Variants in GYG1 observed in about 807,000 individuals in gnomAD.
The protein encoded by GYG1 is glycogenin 1, also known as glycogenin-1.
Under a neutral mutation model 41.9 loss-of-function variants are expected in GYG1, and 44 were observed. The ratio of observed to expected loss-of-function variants is 1.05; its 90% CI spans 0.83 to 1.35. The LOEUF is 1.35. Among genes scored for constraint, GYG1 ranks in the 40% most tolerant of loss-of-function variants. GYG1 has a pLI of 0.00. For synonymous variants in GYG1, 141 were observed against 158.1 expected (o/e 0.89, Z 0.81); for missense variants, 429 against 418.9 (o/e 1.02, Z -0.21).
intron 5 of GYG1, 54 bp downstream of exon 5, chr3:149,009,456 G>T: frequency 6.3e-7 from 1 of 1,580,200 alleles, no homozygotes; most frequent in Non-Finnish European, 8.7e-7. Context: ...GAGAATTGGG[G>T]TGTACAATTT....
At chr3:148,996,719 T>C in intron 3 of GYG1, 23 bp from the exon 4 acceptor site, 1 of 1,607,354 alleles carries the variant, frequency 6.2e-7, no homozygotes, top group South Asian at 1.1e-5. Context: ...ATTTCTGTAA[T>C]GCTCTTTCTC....
At chr3:148,998,909 A>G (rs897754916) in intron 4 of GYG1, among the ~76,000 whole-genome samples, 4 of 152,184 alleles carry the variant, frequency 2.6e-5, no homozygotes, top group African/African-American at 9.7e-5. Context: ...CCTGCCAGAA[A>G]TTCGGTGTAA....
chr3:149,018,849 G>A (rs558853499), intron 5 of GYG1, among the ~76,000 whole-genome samples: 3 of 152,028 alleles, frequency 2.0e-5, no homozygotes, highest in South Asian at 4.2e-4. Context: ...CAGGTGGATC[G>A]CTTGAATAGC....
intron 2 of GYG1, among the ~76,000 whole-genome samples, chr3:148,995,461 T>G (rs1712731873): frequency 6.6e-6 from 1 of 152,144 alleles, no homozygotes; most frequent in Non-Finnish European, 1.5e-5. Flanking sequence ...ACTAATACCT[T>G]TGTTCCTAAA....
intron 4 of GYG1, among the ~76,000 whole-genome samples, chr3:149,006,903 A>G (rs1035629788): frequency 4.6e-5 from 7 of 152,252 alleles, no homozygotes; most frequent in African/African-American, 1.2e-4. Context: ...CTCAGAATAC[A>G]TTAATTTGCC....
intron 6 of GYG1, 36 bp downstream of exon 6, chr3:149,024,308 C>A: frequency 8.0e-7 from 1 of 1,248,708 alleles, no homozygotes; most frequent in Non-Finnish European, 1.2e-6. Context: ...TCATTTAATG[C>A]TGCTTTTTAA....
intron 5 of GYG1, among the ~76,000 whole-genome samples, chr3:149,016,926 G>A (rs1271124878): frequency 6.6e-6 from 1 of 152,220 alleles, no homozygotes; most frequent in Non-Finnish European, 1.5e-5. Context: ...AGCCACAGAA[G>A]TGGGCAAGAG....
At position 149,031,756 on chromosome 3, in the gene GYG1, A is replaced by G. The variant is rs561441164; in HGVS notation, c.*4823A>G. On this transcript the variant is annotated 3_prime_UTR_variant, in exon 8 of 8. Coordinates refer to ENST00000345003, the MANE Select transcript of GYG1 (RefSeq NM_004130.4). ...TGCAAATATGGTTTTTGAAAGCCCAATAAAATTAATTCTTGTATAGTCTGT... is the reference window on the plus strand; with the variant it reads ...TGCAAATATGGTTTTTGAAAGCCCAGTAAAATTAATTCTTGTATAGTCTGT... 3.3e-5 allele frequency: 5 copies of G among 152,310 alleles called. No individual in the cohort carries two copies. The East Asian group carries it at 7.7e-4, about 24-fold the overall frequency. The allele number at this position is 152,310 out of a possible 1,614,324, so 9.4% of individuals were successfully genotyped here.
chr3:149,025,180 C>A (rs1714586174), intron 6 of GYG1, among the ~76,000 whole-genome samples: 1 of 152,180 alleles, frequency 6.6e-6, no homozygotes. Flanking sequence ...CTTTTTGGCA[C>A]TAGACACTGG....
At chr3:149,017,905 G>A (rs376256970) in intron 5 of GYG1, among the ~76,000 whole-genome samples, 1 of 151,732 alleles carries the variant, frequency 6.6e-6, no homozygotes, top group Non-Finnish European at 1.5e-5. Context: ...GAGCCACCAC[G>A]CCCAGCCTCT....
chr3:148,991,564 C>A lies in GYG1; in HGVS notation c.-77C>A, dbSNP rs550496178. The A allele has an allele frequency of 2.0e-6, 3 of 1,528,638 alleles. No homozygotes were observed. Among genetic ancestry groups the A allele is most frequent in the East Asian group, 2.5e-5 (1 of 40,502 alleles). The allele number at this position is 1,528,638 out of a possible 1,614,324, so 94.7% of individuals were successfully genotyped here. A position where few individuals can be genotyped will look rare whatever the true frequency, so the allele number is the denominator to read the frequency against. ...TTCCCCGCCGTGCCTCCTCGCTGGC[C>A]GCGCTCCCTCCCGGTGCCGGCTTCT... On this transcript the variant is annotated 5_prime_UTR_variant, in exon 1 of 8. Transcript: ENST00000345003.
At chr3:149,017,590 T>TG in intron 5 of GYG1, among the ~76,000 whole-genome samples, 1 of 90,310 alleles carries the variant, frequency 1.1e-5, no homozygotes, top group African/African-American at 6.9e-5. Flanking sequence ...AGGTTTTTTT[T>TG]TTTTTTTTTT....
In GYG1 at chr3:148,995,561, T is replaced by C. The variant is rs547979838; in HGVS notation, c.144-741T>C. On this transcript the variant is annotated intron_variant, in intron 2 of 7. Coordinates refer to ENST00000345003, the MANE Select transcript of GYG1 (RefSeq NM_004130.4). The stretch of plus-strand genomic sequence containing the variant: ...TAGGATATGTCTAAGAAACCAGATC[T>C]AGTCTTGCATTTCCTGTAACCACCA... Among the ~76,000 whole-genome samples the C allele has an allele frequency of 4.6e-5, 7 of 152,318 alleles. No homozygotes were observed. The South Asian group carries it at 6.2e-4, about 14-fold the overall frequency.
chr3:149,024,536 AG>A (rs1310371918), intron 6 of GYG1, among the ~76,000 whole-genome samples: 18 of 152,248 alleles, frequency 1.2e-4, no homozygotes, highest in Non-Finnish European at 2.4e-4. Context: ...TAGAATTCTT[AG>A]CCCATTCTCC....
Position 148,996,913 on chromosome 3 carries a change from T to G in GYG1, c.481+9T>G. The G allele has an allele frequency of 1.2e-6, 2 of 1,603,034 alleles. No individual in the cohort carries two copies. The highest frequency in any genetic ancestry group is 8.5e-7 in the Non-Finnish European group (1 of 1,169,944). On this transcript the variant is annotated intron_variant, in intron 4 of 7. Coordinates refer to ENST00000345003, the MANE Select transcript of GYG1 (RefSeq NM_004130.4). ...GCAAGGTAGTTTTGATGGTATGTAT[T>G]TGCTATCTTCATGTCTGATAAGCTG...
intron 6 of GYG1, 39 bp downstream of exon 6, chr3:149,024,311 C>T: frequency 8.2e-7 from 1 of 1,215,352 alleles, no homozygotes; most frequent in Non-Finnish European, 1.2e-6. Context: ...TTTAATGCTG[C>T]TTTTTAAAAA....
At chr3:149,001,120 A>G (rs1370319253) in intron 4 of GYG1, 4 of 152,190 alleles carry the variant, frequency 2.6e-5, no homozygotes, top group African/African-American at 9.7e-5. Context: ...TCAAGATGGT[A>G]CTTGTCCAAA....
chr3:149,007,571 A>C (rs939166863), intron 4 of GYG1, among the ~76,000 whole-genome samples: 6 of 152,244 alleles, frequency 3.9e-5, no homozygotes, highest in African/African-American at 1.4e-4. Flanking sequence ...CTTTAAACCT[A>C]AAGTCCTGAT....
intron 5 of GYG1, among the ~76,000 whole-genome samples, chr3:149,020,039 C>T (rs149292589): frequency 2.0e-3 from 302 of 152,346 alleles, no homozygotes; most frequent in African/African-American, 7.0e-3. Context: ...GAGACAGGAG[C>T]TGGGGAGGCC....
Sources: allele counts gnomAD v4.1 joint callset (sites outside exome capture counted in the v4.1 genomes callset), GRCh38; gene constraint gnomAD v4.1.1; transcripts MANE v1.5; gene names NCBI Gene and HGNC (gene_info 2026-07-23, HGNC 2026-07-21).